MDGA1: variants seen among roughly 807,000 people sequenced by gnomAD.
MDGA1 encodes the protein MAM domain-containing glycosylphosphatidylinositol anchor protein 1.
MDGA1 carries 54 observed loss-of-function variants against 101.5 expected under a neutral mutation model. That is an observed-to-expected ratio of 0.53 (90% confidence interval 0.43 to 0.67). The LOEUF (loss-of-function observed/expected upper bound fraction) is 0.67. Among genes scored for constraint, MDGA1 ranks in the 30% least tolerant of loss-of-function variants. MDGA1 has a pLI of 0.00. For synonymous variants in MDGA1, 533 were observed against 558.3 expected, an observed-to-expected ratio of 0.95 and a Z score of 0.64; for missense variants, 1,083 against 1,323.8, an observed-to-expected ratio of 0.82 and a Z score of 2.82.
At chr6:37,688,355 G>C (rs183605491) in intron 1 of MDGA1, among the ~76,000 whole-genome samples, 1 of 152,190 alleles carries the variant, frequency 6.6e-6, no homozygotes, top group South Asian at 2.1e-4. Context: ...CCAGGGCTGA[G>C]AACCACTTTT....
At chr6:37,665,088 G>A (rs1761717763) in intron 1 of MDGA1, among the ~76,000 whole-genome samples, 1 of 152,126 alleles carries the variant, frequency 6.6e-6, no homozygotes, top group South Asian at 2.1e-4. Flanking sequence ...GCCCAGGCTA[G>A]GGGACCAAAG....
chr6:37,681,281 G>T (rs1347236534), intron 1 of MDGA1, among the ~76,000 whole-genome samples: 1 of 152,178 alleles, frequency 6.6e-6, no homozygotes, highest in Non-Finnish European at 1.5e-5. Flanking sequence ...TCGAGGCCAG[G>T]AAAATTAGCC....
intron 1 of MDGA1, among the ~76,000 whole-genome samples, chr6:37,686,366 T>TTA (rs1762197267): frequency 6.6e-6 from 1 of 151,552 alleles, no homozygotes; most frequent in Admixed American, 6.6e-5. Context: ...CTTTTTTTTT[T>TTA]AATGCAGATG....
rs532486764 is a variant in MDGA1 at position 37,655,623 on chromosome 6, A to G, written c.579+77T>C. The G allele has an allele frequency of 3.3e-6, 4 of 1,196,494 alleles. No homozygotes were observed. The highest frequency in any genetic ancestry group is 5.1e-5 in the East Asian group (2 of 39,422). 74.1% of individuals were successfully genotyped at this position (1,196,494 alleles called of 1,614,324 possible). ...AATTGTTGAAGTCAAGGCAGTCCCA[A>G]AAACTCAGCCCCATGCCCCCCTCCC... On this transcript the variant is annotated intron_variant, in intron 4 of 16. Transcript: ENST00000434837. The surrounding 1 kb of genome is among the most constrained non-coding windows in gnomAD (Gnocchi z 5.1).
In MDGA1 at chr6:37,631,339, C is replaced by T. The variant is rs1316184871; in HGVS notation, c.*6029G>A. ...CTCTTCCTGTGCTCAGGGAGCCAAC[C>T]TACAGCAGTGGTGAGTCCCTTAGAC... On this transcript the variant is annotated 3_prime_UTR_variant, in exon 17 of 17. Transcript: ENST00000434837. 6.6e-6 allele frequency: 1 copy of T among 152,198 alleles called. No individual in the cohort carries two copies. The highest frequency in any genetic ancestry group is 2.4e-5 in the African/African-American group (1 of 41,422). The allele number at this position is 152,198 out of a possible 1,614,324, so 9.4% of individuals were successfully genotyped here.
chr6:37,638,688 G>A lies in MDGA1; in HGVS notation c.2537-21C>T. On this transcript the variant is annotated intron_variant, in intron 14 of 16. Transcript: ENST00000434837. The surrounding 1 kb of genome is among the most constrained non-coding windows in gnomAD (Gnocchi z 4.8). ...GGAGCCTGCGGTGGGTGTGAAGACA[G>A]TGGGCAGTGAGATCTGGCCAGGGCA... 1.2e-6 allele frequency: 2 copies of A among 1,605,230 alleles called. No individual in the cohort carries two copies. The highest frequency in any genetic ancestry group is 1.7e-6 in the Non-Finnish European group (2 of 1,175,702).
chr6:37,689,505 A>C (rs923004438), intron 1 of MDGA1, among the ~76,000 whole-genome samples: 3 of 152,228 alleles, frequency 2.0e-5, no homozygotes, highest in Non-Finnish European at 4.4e-5. Flanking sequence ...CTTCCTAAGC[A>C]CCGTCTCATC....
intron 6 of MDGA1, 127 bp downstream of exon 6, chr6:37,654,147 T>C (rs1561846801): frequency 3.7e-6 from 4 of 1,078,708 alleles, no homozygotes; most frequent in Non-Finnish European, 5.1e-6. Flanking sequence ...GCGTGGAACA[T>C]CCTCTGCATG....
intron 1 of MDGA1, among the ~76,000 whole-genome samples, chr6:37,677,959 C>T (rs1401498422): frequency 6.6e-6 from 1 of 152,222 alleles, no homozygotes; most frequent in African/African-American, 2.4e-5. Context: ...CTAGCAACCC[C>T]TAAAGCCATC....
Position 37,638,036 on chromosome 6 carries a change from CTGAG to C in MDGA1, c.2776+165_2776+168del. 1.5e-6 allele frequency: 1 copy of C among 652,176 alleles called. No homozygotes were observed. The highest frequency in any genetic ancestry group is 2.5e-4 in the Middle Eastern group (1 of 4,044). 40.4% of individuals were successfully genotyped at this position (652,176 alleles called of 1,614,324 possible). ...CTCATTGTTTACACAAGTACACAGC[CTGAG>C]TGAGTGTGGGGCACACCTTCACACA... On this transcript the variant is annotated intron_variant, in intron 16 of 16. Transcript: ENST00000434837. This position sits in a 1 kb window ranked among gnomAD's most constrained non-coding sequence, Gnocchi z 4.8.
chr6:37,668,626 C>T (rs542319139), intron 1 of MDGA1, among the ~76,000 whole-genome samples: 12 of 152,098 alleles, frequency 7.9e-5, no homozygotes, highest in African/African-American at 1.7e-4. Context: ...ATCTCACAGG[C>T]GCAATTTGAG....
At position 37,679,585 on chromosome 6, in the gene MDGA1, C is replaced by T. The variant is rs147063867; in HGVS notation, c.68-15479G>A. On this transcript the variant is annotated intron_variant, in intron 1 of 16. Transcript: ENST00000434837. ...TCTCTCCCGATATTGTGACACGTGC[C>T]TGTACACAGAGCCTCCCATGCCGCC... 2.7e-3 allele frequency among the ~76,000 whole-genome samples: 411 copies of T among 152,294 alleles called. 3 individuals are homozygous for T. Among genetic ancestry groups the T allele is most frequent in the African/African-American group, 9.5e-3 (395 of 41,532 alleles).
At position 37,647,164 on chromosome 6, in the gene MDGA1, T is replaced by C; in HGVS notation, c.2046+9A>G. On this transcript the variant is annotated intron_variant, in intron 10 of 16. Coordinates refer to ENST00000434837, the MANE Select transcript of MDGA1 (RefSeq NM_153487.4). ...CCTGCCCCCAGGCCCCCGCTCCCCC[T>C]TGGCCCACCTGGCGGATGCTGAGTC... 1 of 1,588,850 alleles carries C rather than the reference T, an allele frequency of 6.3e-7. No individual in the cohort carries two copies. The highest frequency in any genetic ancestry group is 8.6e-7 in the Non-Finnish European group (1 of 1,167,688).
At chr6:37,676,155 G>T (rs1305670624) in intron 1 of MDGA1, among the ~76,000 whole-genome samples, 3 of 151,884 alleles carry the variant, frequency 2.0e-5, no homozygotes, top group Non-Finnish European at 4.4e-5. Context: ...CTCTGAGAAG[G>T]TCCTCCTGTT....
chr6:37,658,595 G>A (rs573959105), intron 2 of MDGA1, among the ~76,000 whole-genome samples, 176 bp from the exon 3 acceptor site: 1 of 152,360 alleles, frequency 6.6e-6, no homozygotes, highest in African/African-American at 2.4e-5. Context: ...CACAGACGGG[G>A]TAGAATGCCA....
rs975373165 is a variant in MDGA1 at position 37,635,649 on chromosome 6, G to A, written c.*1719C>T. On this transcript the variant is annotated 3_prime_UTR_variant, in exon 17 of 17. Coordinates refer to ENST00000434837, the MANE Select transcript of MDGA1 (RefSeq NM_153487.4). ...GCCTCCTGGCACTGCAGTGCTGCCCGAGTTCCAGGCCTCTTCTCTGCAGCT... is the reference window on the plus strand; with the variant it reads ...GCCTCCTGGCACTGCAGTGCTGCCCAAGTTCCAGGCCTCTTCTCTGCAGCT... 1.0e-4 allele frequency: 40 copies of A among 398,540 alleles called. No homozygotes were observed. Among genetic ancestry groups the A allele is most frequent in the African/African-American group, 3.1e-4 (15 of 48,618 alleles). 24.7% of individuals were successfully genotyped at this position (398,540 alleles called of 1,614,324 possible). A position where few individuals can be genotyped will look rare whatever the true frequency, so the allele number is the denominator to read the frequency against.
Position 37,661,918 on chromosome 6 carries a change from G to A in MDGA1, c.207+2049C>T, listed in dbSNP as rs1279143540. 5.3e-5 allele frequency among the ~76,000 whole-genome samples: 8 copies of A among 152,206 alleles called. No individual in the cohort carries two copies. In the East Asian group the frequency reaches 1.2e-3, roughly 22 times the overall value. ...GCCCGTAATCCCCGCACTTTGAGAG[G>A]CTGAGGCAGGAGGATCACTTGAGCC... On this transcript the variant is annotated intron_variant, in intron 2 of 16. Coordinates refer to ENST00000434837, the MANE Select transcript of MDGA1 (RefSeq NM_153487.4).
At chr6:37,671,938 C>T (rs182450128) in intron 1 of MDGA1, among the ~76,000 whole-genome samples, 335 of 152,158 alleles carry the variant, frequency 2.2e-3, no homozygotes, top group South Asian at 4.2e-3. Context: ...CTCAGGAGTT[C>T]GAGACCAGCC....
At chr6:37,664,415 C>T (rs944207256) in intron 1 of MDGA1, 7 of 266,874 alleles carry the variant, frequency 2.6e-5, no homozygotes, top group Non-Finnish European at 5.0e-5. Flanking sequence ...GTTAGCATCA[C>T]CATCTTAGCA....
Sources: allele counts gnomAD v4.1 joint callset (sites outside exome capture counted in the v4.1 genomes callset), GRCh38; gene constraint gnomAD v4.1.1; non-coding constraint Gnocchi (gnomAD v3.1); transcripts MANE v1.5; gene names NCBI Gene and HGNC (gene_info 2026-07-23, HGNC 2026-07-21).